SUZ12: variants seen among roughly 807,000 people sequenced by gnomAD.
SUZ12 encodes the protein SUZ12 polycomb repressive complex 2 subunit.
Under a neutral mutation model 87.3 loss-of-function variants are expected in SUZ12, and 17 were observed. That is an observed-to-expected ratio of 0.19 (90% CI 0.13 to 0.29). The LOEUF is 0.29. Among genes scored for constraint, SUZ12 ranks in the 10% least tolerant of loss-of-function variants. The pLI, the probability that SUZ12 is intolerant of heterozygous loss-of-function variation, is 1.00. For missense variants in SUZ12, 526 were observed against 912.2 expected (o/e 0.58, Z 5.45); for synonymous variants, 253 against 312.4 (o/e 0.81, Z 2.01).
chr17:31,950,999 C>G (rs1487482040), intron 4 of SUZ12, among the ~76,000 whole-genome samples: 1 of 152,084 alleles, frequency 6.6e-6, no homozygotes, highest in African/African-American at 2.4e-5. Flanking sequence ...CCAGGATGGT[C>G]TCGATCTCCT....
chr17:31,964,182 A>G (rs527368175), intron 4 of SUZ12, among the ~76,000 whole-genome samples: 10,504 of 150,334 alleles, frequency 0.07, no homozygotes, highest in African/African-American at 0.23. Context: ...ACACGACACC[A>G]TGCCTGGCTA....
intron 3 of SUZ12, among the ~76,000 whole-genome samples, chr17:31,945,387 C>CT (rs1906576690): frequency 6.6e-6 from 1 of 152,126 alleles, no homozygotes; most frequent in African/African-American, 2.4e-5. Flanking sequence ...TTTACTCTTT[C>CT]TAGAAGTATT....
In SUZ12 at chr17:31,975,712, T is replaced by C. The variant is rs769575197; in HGVS notation, c.822T>C (p.Ile274=). ...GMINGETNEN[I]DVNEELPARR... ...TTAATGGAGAAACCAATGAAAATAT[T>C]GGTAATTTTTTTTTTTACTAGATTT... Residue 274 remains isoleucine (I), a splice_region_variant and synonymous_variant, in exon 7 of 16, where the codon ATT becomes ATC. Coordinates refer to ENST00000322652, the MANE Select transcript of SUZ12 (RefSeq NM_015355.4). The C allele has an allele frequency of 6.2e-7, 1 of 1,602,010 alleles. No individual in the cohort carries two copies. Among genetic ancestry groups the C allele is most frequent in the Non-Finnish European group, 8.5e-7 (1 of 1,175,620 alleles).
chr17:31,968,107 C>T (rs1352803523), intron 5 of SUZ12, among the ~76,000 whole-genome samples: 1 of 152,128 alleles, frequency 6.6e-6, no homozygotes, highest in Non-Finnish European at 1.5e-5. Context: ...GAGGTTGAGG[C>T]TGCAGTGAGC....
intron 3 of SUZ12, among the ~76,000 whole-genome samples, chr17:31,946,758 A>G (rs1010112376): frequency 2.6e-5 from 4 of 152,186 alleles, no homozygotes; most frequent in African/African-American, 9.6e-5. Context: ...TTATCTCTAG[A>G]ACATGTCATA....
At chr17:31,942,385 G>T (rs1256547620) in intron 3 of SUZ12, among the ~76,000 whole-genome samples, 2 of 151,716 alleles carry the variant, frequency 1.3e-5, no homozygotes, top group African/African-American at 4.8e-5. Context: ...GCCCAGGCTG[G>T]AGTGCAATGG....
intron 5 of SUZ12, among the ~76,000 whole-genome samples, chr17:31,971,726 G>A (rs1277680434): frequency 6.6e-6 from 1 of 151,974 alleles, no homozygotes; most frequent in African/African-American, 2.4e-5. Context: ...CACCACACCT[G>A]GCCCTCCTGC....
At chr17:31,945,234 GT>G (rs538878088) in intron 3 of SUZ12, among the ~76,000 whole-genome samples, 7 of 152,032 alleles carry the variant, frequency 4.6e-5, no homozygotes, top group Non-Finnish European at 1.0e-4. Context: ...AGTGATTGTC[GT>G]TTCTCAAAAT....
At chr17:31,957,844 C>CCTGGATTACA in intron 4 of SUZ12, among the ~76,000 whole-genome samples, 1 of 150,952 alleles carries the variant, frequency 6.6e-6, no homozygotes, top group Non-Finnish European at 1.5e-5. Context: ...TGCACCTGGC[C>CCTGGATTACA]CTGGATTACA....
At chr17:31,985,841 T>G in intron 9 of SUZ12, among the ~76,000 whole-genome samples, 1 of 151,832 alleles carries the variant, frequency 6.6e-6, no homozygotes, top group East Asian at 1.9e-4. Context: ...TTTCATATTT[T>G]TAGTAGAGAT....
In SUZ12 at chr17:31,994,557, G is replaced by C. The variant is rs1448006313; in HGVS notation, c.1438-7G>C. 6.4e-7 allele frequency: 1 copy of C among 1,564,830 alleles called. No homozygotes were observed. The highest frequency in any genetic ancestry group is 2.0e-5 in the Admixed American group (1 of 51,156). The stretch of plus-strand genomic sequence containing the variant: ...AATATATTTTTTTTTTTACATTTTT[G>C]TTGCAGTATCATCCAAAAGGTGCTA... On this transcript the variant is annotated splice_polypyrimidine_tract_variant and splice_region_variant and intron_variant, in intron 12 of 15. Coordinates refer to ENST00000322652, the MANE Select transcript of SUZ12 (RefSeq NM_015355.4).
chr17:31,968,376 T>C (rs1908217914), intron 5 of SUZ12, among the ~76,000 whole-genome samples: 1 of 152,076 alleles, frequency 6.6e-6, no homozygotes, highest in South Asian at 2.1e-4. Flanking sequence ...CTACAGGCGT[T>C]CCCACCATGC....
chr17:31,946,000 T>C (rs1400025518), intron 3 of SUZ12, among the ~76,000 whole-genome samples: 2 of 152,176 alleles, frequency 1.3e-5, no homozygotes, highest in Non-Finnish European at 2.9e-5. Context: ...GAAAATATAT[T>C]GCCATCCTTC....
chr17:31,983,911 G>A (rs550088), intron 9 of SUZ12, among the ~76,000 whole-genome samples: 135,473 of 152,226 alleles, frequency 0.89, 60,582 homozygotes, highest in East Asian at 0.98. Context: ...AGGAATCCAT[G>A]CATTTCTTAA....
At chr17:31,948,007 AC>A (rs1350895215) in intron 4 of SUZ12, among the ~76,000 whole-genome samples, 5 of 152,126 alleles carry the variant, frequency 3.3e-5, no homozygotes, top group Non-Finnish European at 7.4e-5. Flanking sequence ...AGGGATACTC[AC>A]ATTTATAGTA....
At chr17:31,962,005 A>G (rs1454233825) in intron 4 of SUZ12, among the ~76,000 whole-genome samples, 3 of 152,236 alleles carry the variant, frequency 2.0e-5, no homozygotes, top group Non-Finnish European at 4.4e-5. Flanking sequence ...AAAAAGATGT[A>G]TATGGAAAAA....
rs1477965132 is a variant in SUZ12, at chr17:31,937,182, T to C, written c.-65T>C. The C allele has an allele frequency of 1.9e-5, 26 of 1,350,710 alleles. No homozygotes were observed. The highest frequency in any genetic ancestry group is 2.4e-5 in the Non-Finnish European group (25 of 1,051,594). The allele number at this position is 1,350,710 out of a possible 1,614,324, so 83.7% of individuals were successfully genotyped here. ...GCCTGCTGGGGCGAGCGGTTGGTAT[T>C]GCAGGCGCTTGCTCTCCGGGGCCGC... On this transcript the variant is annotated 5_prime_UTR_variant, in exon 1 of 16. Transcript: ENST00000322652.
intron 8 of SUZ12, among the ~76,000 whole-genome samples, chr17:31,980,430 T>C (rs2930269): frequency 2.1e-4 from 3 of 14,598 alleles, no homozygotes; most frequent in South Asian, 1.9e-3. Context: ...CACCTTCTCC[T>C]TTTTTTTTTT....
intron 3 of SUZ12, among the ~76,000 whole-genome samples, chr17:31,944,446 A>C (rs1598147583): frequency 6.6e-6 from 1 of 152,152 alleles, no homozygotes; most frequent in Non-Finnish European, 1.5e-5. Context: ...CACATTTAAA[A>C]TCTAAGTTCC....
Sources: gnomAD v4.1 joint callset for allele counts (sites outside exome capture counted in the v4.1 genomes callset) on GRCh38, gnomAD v4.1.1 for gene constraint, MANE v1.5 for transcripts, NCBI Gene and HGNC (gene_info 2026-07-23, HGNC 2026-07-21) for gene names.